The following RTN4 variants were observed in gnomAD, a reference collection of about 807,000 sequenced individuals.
The protein encoded by RTN4 is reticulon 4, also known as reticulon-4.
A neutral mutation model predicts 90.4 loss-of-function variants in RTN4; 32 were observed. That is an observed-to-expected ratio of 0.35 (90% CI 0.27 to 0.48). The LOEUF is 0.48. Ranked by LOEUF, RTN4 falls within the 20% of genes least tolerant of loss-of-function variation. The probability of loss-of-function intolerance (pLI) is 0.99; values close to 1 mark genes in which losing one functional copy is unlikely to be tolerated. For missense variants in RTN4, 1,706 were observed against 1,430.2 expected, an observed-to-expected ratio of 1.19 and a Z score of -3.11; for synonymous variants, 629 against 552.5, an observed-to-expected ratio of 1.14 and a Z score of -1.94.
intron 3 of RTN4, among the ~76,000 whole-genome samples, chr2:55,015,252 A>G (rs1306204509): frequency 6.6e-6 from 1 of 152,222 alleles, no homozygotes. Context: ...GGCCCTAGGC[A>G]GCTAGATCAG....
At chr2:55,126,901 T>C in the RTN4 span, among the ~76,000 whole-genome samples, 35,762 of 152,026 alleles carry the variant, frequency 0.24, 4,299 homozygotes, top group Middle Eastern at 0.27. Context: ...TGGAGGCAAA[T>C]TAATGCAGGA....
In RTN4 at chr2:55,025,387, C is replaced by A. The variant is rs142717278; in HGVS notation, c.2712G>T (p.Pro904=). The change falls in exon 3 of 9, where the codon CCG becomes CCT. Residue 904 remains proline (P), a synonymous_variant. Coordinates refer to ENST00000337526, the MANE Select transcript of RTN4 (RefSeq NM_020532.5). ...VSHKSEIANA[P]DGAGSLPCTE... ...TGCAAGGCAATGACCCAGCTCCATCCGGGGCATTAGCAATTTCACTTTTGT... is the reference window on the plus strand; with the variant it reads ...TGCAAGGCAATGACCCAGCTCCATCAGGGGCATTAGCAATTTCACTTTTGT... 14 of 1,613,732 alleles carry A rather than the reference C, an allele frequency of 8.7e-6. No individual in the cohort carries two copies. In the African/African-American group the frequency reaches 1.7e-4, roughly 20 times the overall value.
At chr2:54,982,009 C>T (rs1315942860) in intron 5 of RTN4, among the ~76,000 whole-genome samples, 1 of 151,902 alleles carries the variant, frequency 6.6e-6, no homozygotes, top group African/African-American at 2.4e-5. Flanking sequence ...GGCTGGAATG[C>T]AATGGCGTGA....
In RTN4 at chr2:55,050,070, G is replaced by C; in HGVS notation, c.231C>G (p.Pro77=). The C allele has an allele frequency of 6.9e-7, 1 of 1,448,026 alleles. No homozygotes were observed. The highest frequency in any genetic ancestry group is 1.4e-5 in the South Asian group (1 of 72,000). 89.7% of individuals were successfully genotyped at this position (1,448,026 alleles called of 1,614,324 possible). The part of the protein sequence containing the change: ...PVPTAPAAGA[P]LMDFGNDFVP... ...CGAAGTCATTTCCGAAGTCCATCAG[G>C]GGCGCGCCGGCGGCAGGGGCGGTGG... The change falls in exon 1 of 9, where the codon CCC becomes CCG. Residue 77 remains proline, a synonymous_variant. Transcript: ENST00000337526. This position sits in a 1 kb window ranked among gnomAD's most constrained non-coding sequence, Gnocchi z 4.6.
At chr2:55,102,118 G>T (rs1439623445) in intron 1 of RTN4, among the ~76,000 whole-genome samples, 3 of 152,066 alleles carry the variant, frequency 2.0e-5, no homozygotes, top group Admixed American at 1.3e-4. Context: ...CCTTAAAGAT[G>T]AGATATTGTT....
chr2:55,065,680 C>A (rs556220130), intron 2 of RTN4, among the ~76,000 whole-genome samples: 1 of 152,056 alleles, frequency 6.6e-6, no homozygotes, highest in African/African-American at 2.4e-5. Flanking sequence ...TACACACACA[C>A]GCAAAGGATG....
intron 1 of RTN4, among the ~76,000 whole-genome samples, chr2:55,042,580 C>A (rs1299884762): frequency 1.3e-5 from 2 of 152,134 alleles, no homozygotes; most frequent in African/African-American, 4.8e-5. Context: ...TTGTGGAAAT[C>A]TGGGTAACAG....
Position 55,090,759 on chromosome 2 carries a change from C to G in RTN4, c.-213-10120G>C, listed in dbSNP as rs372725141. 9.2e-5 allele frequency among the ~76,000 whole-genome samples: 14 copies of G among 152,252 alleles called. No homozygotes were observed. The East Asian group carries it at 2.1e-3, about 23-fold the overall frequency. On this transcript the variant is annotated intron_variant, in intron 1 of 3. Coordinates refer to the RTN4 transcript ENST00000427710. Reference sequence around the variant, plus strand: ...CCTCTTAGATATCTAATAAGTAACTCCCATTTAAAATGGCCAAAAACCAAA... The same window carrying G: ...CCTCTTAGATATCTAATAAGTAACTGCCATTTAAAATGGCCAAAAACCAAA...
intron 1 of RTN4, among the ~76,000 whole-genome samples, chr2:55,110,855 AC>A (rs1668025713): frequency 6.6e-6 from 1 of 152,234 alleles, no homozygotes; most frequent in Admixed American, 6.5e-5. Flanking sequence ...AGCCTGGTCA[AC>A]ATGGCAAAAC....
At chr2:55,087,849 G>T (rs545287051) in intron 1 of RTN4, among the ~76,000 whole-genome samples, 32 of 152,256 alleles carry the variant, frequency 2.1e-4, no homozygotes, top group Non-Finnish European at 1.3e-4. Flanking sequence ...TTGTATGGTT[G>T]GATGTTTTTT....
At chr2:55,041,117 C>T (rs1466629701) in intron 1 of RTN4, among the ~76,000 whole-genome samples, 2 of 148,340 alleles carry the variant, frequency 1.3e-5, no homozygotes, top group East Asian at 3.9e-4. Context: ...AGCAGGAAGA[C>T]TTAGCTTTCT....
chr2:54,981,501 T>G (rs930169558), intron 5 of RTN4, among the ~76,000 whole-genome samples: 1 of 152,190 alleles, frequency 6.6e-6, no homozygotes, highest in African/African-American at 2.4e-5. Context: ...GAAACAAGTC[T>G]GCCTGTTTTC....
intron 2 of RTN4, among the ~76,000 whole-genome samples, chr2:55,060,932 A>C (rs1223703575): frequency 6.6e-6 from 1 of 152,128 alleles, no homozygotes; most frequent in Non-Finnish European, 1.5e-5. Flanking sequence ...AATAAAGAAG[A>C]CTTCTTGTTG....
In RTN4 at chr2:55,026,763, A is replaced by C. The variant is rs777455625; in HGVS notation, c.1336T>G (p.Ser446Ala). 11 of 1,613,832 alleles carry C rather than the reference A, an allele frequency of 6.8e-6. No individual in the cohort carries two copies. In the Admixed American group the frequency reaches 1.8e-4, roughly 27 times the overall value. The change falls in exon 3 of 9, where the codon TCT (serine) becomes GCT (alanine). Residue 446 changes from serine to alanine, a missense_variant. Ser to Ala is a moderately conservative substitution (Grantham distance 99, BLOSUM62 1). Transcript: ENST00000337526. The stretch of plus-strand genomic sequence containing the variant: ...ATACCTTCTGGCGTACTGGGGAAAG[A>C]AGTATCATCATTACTACTCTCACTA... Reference protein sequence around the residue: ...KDSESSNDDTSFPSTPEGIKD... With the variant: ...KDSESSNDDTAFPSTPEGIKD...
intron 5 of RTN4, 102 bp from the exon 6 acceptor site, chr2:54,974,866 A>T: frequency 2.2e-6 from 2 of 893,394 alleles, no homozygotes; most frequent in Non-Finnish European, 3.7e-6. Flanking sequence ...TACAAAAGGC[A>T]TACAACTTGA....
chr2:55,101,332 A>G (rs1667849223), intron 1 of RTN4, among the ~76,000 whole-genome samples: 1 of 152,064 alleles, frequency 6.6e-6, no homozygotes, highest in South Asian at 2.1e-4. Context: ...TGTTGTTGTA[A>G]CTTGTTCAGA....
intron 1 of RTN4, among the ~76,000 whole-genome samples, chr2:55,044,172 G>A (rs1683260204): frequency 6.6e-6 from 1 of 152,154 alleles, no homozygotes; most frequent in South Asian, 2.1e-4. Flanking sequence ...TTTAGCCTGG[G>A]TGAAAGAGCA....
rs1201685364 is a variant in RTN4 at position 55,048,996 on chromosome 2, G to C, written c.556+749C>G. 3 of 565,022 alleles carry C rather than the reference G, an allele frequency of 5.3e-6. No homozygotes were observed. The Admixed American group carries it at 1.9e-4, about 36-fold the overall frequency. 35.0% of individuals were successfully genotyped at this position (565,022 alleles called of 1,614,324 possible). A position where few individuals can be genotyped will look rare whatever the true frequency, so the allele number is the denominator to read the frequency against. On this transcript the variant is annotated intron_variant, in intron 1 of 8. Transcript: ENST00000337526. ...TACGCCCCCTCGAACACAATGCCTAGATCCCCTTTCCCTGGCTCGGTTTAG... is the reference window on the plus strand; with the variant it reads ...TACGCCCCCTCGAACACAATGCCTACATCCCCTTTCCCTGGCTCGGTTTAG...
chr2:54,974,768 T>C lies in RTN4; in HGVS notation c.3361-4A>G. 1 of 1,612,356 alleles carries C rather than the reference T, an allele frequency of 6.2e-7. No individual in the cohort carries two copies. On this transcript the variant is annotated splice_polypyrimidine_tract_variant and splice_region_variant and intron_variant, in intron 5 of 8. Coordinates refer to ENST00000337526, the MANE Select transcript of RTN4 (RefSeq NM_020532.5). ...ATACCCACATCAACACTGCAAACTATAAGAAAATAACATTAGCCCATTATA... is the reference window on the plus strand; with the variant it reads ...ATACCCACATCAACACTGCAAACTACAAGAAAATAACATTAGCCCATTATA...
Sources: gnomAD v4.1 joint callset for allele counts (sites outside exome capture counted in the v4.1 genomes callset) on GRCh38, gnomAD v4.1.1 for gene constraint, Gnocchi (gnomAD v3.1) non-coding constraint, MANE v1.5 for transcripts, NCBI Gene and HGNC (gene_info 2026-07-23, HGNC 2026-07-21) for gene names.